CTNNA2: variants seen among roughly 807,000 people sequenced by gnomAD.
CTNNA2 encodes the protein catenin alpha-2.
In CTNNA2, 42 loss-of-function variants were observed where a neutral mutation model predicts 101.0. That is an observed-to-expected ratio of 0.42 (90% CI 0.32 to 0.54). The LOEUF (loss-of-function observed/expected upper bound fraction) is 0.54. Among genes scored for constraint, CTNNA2 ranks in the 20% least tolerant of loss-of-function variants. The pLI is 0.14. For synonymous variants in CTNNA2, 450 were observed against 456.4 expected (o/e 0.99, Z 0.18); for missense variants, 871 against 1,223.1 (o/e 0.71, Z 4.29).
At chr2:80,548,922 T>C (rs981995478) in intron 11 of CTNNA2, among the ~76,000 whole-genome samples, 1 of 152,208 alleles carries the variant, frequency 6.6e-6, no homozygotes, top group African/African-American at 2.4e-5. Context: ...GGGGAATATC[T>C]CTTTGGTCAG....
At chr2:80,206,992 G>A (rs541331508) in intron 7 of CTNNA2, among the ~76,000 whole-genome samples, 8 of 152,106 alleles carry the variant, frequency 5.3e-5, no homozygotes, top group African/African-American at 1.9e-4. Context: ...TTCTAGGGTG[G>A]GCATCTCAAT....
intron 4 of CTNNA2, among the ~76,000 whole-genome samples, chr2:79,419,588 T>C (rs945351403): frequency 1.3e-5 from 2 of 152,090 alleles, no homozygotes; most frequent in Non-Finnish European, 2.9e-5. Context: ...AAAAATAATA[T>C]GGTTTAAATA....
In CTNNA2 at chr2:79,702,319, T is replaced by G. The variant is rs182183339; in HGVS notation, c.103-42068T>G. Among the ~76,000 whole-genome samples the G allele has an allele frequency of 2.6e-5, 4 of 152,274 alleles. No individual in the cohort carries two copies. In the South Asian group the frequency reaches 6.2e-4, roughly 24 times the overall value. ...ATTCAAATTTCAGTGTTCATAAAGT[T>G]TTATTAGAACATAGCCATACCCACT... On this transcript the variant is annotated intron_variant, in intron 2 of 18. Coordinates refer to ENST00000402739, the MANE Select transcript of CTNNA2 (RefSeq NM_001282597.3).
At chr2:79,703,130 G>A (rs141247795) in intron 2 of CTNNA2, among the ~76,000 whole-genome samples, 1 of 152,298 alleles carries the variant, frequency 6.6e-6, no homozygotes, top group East Asian at 1.9e-4. Context: ...CTCCCTAGGG[G>A]ACAATTAGTC....
chr2:80,128,991 C>G (rs551800834), intron 7 of CTNNA2, among the ~76,000 whole-genome samples: 37 of 146,622 alleles, frequency 2.5e-4, no homozygotes, highest in Non-Finnish European at 5.3e-4. Context: ...GCATAAATAA[C>G]ATCATATGAT....
chr2:80,559,338 C>G (rs1450068685), intron 12 of CTNNA2, among the ~76,000 whole-genome samples: 1 of 152,208 alleles, frequency 6.6e-6, no homozygotes, highest in Non-Finnish European at 1.5e-5. Context: ...TGTTTACACA[C>G]AGGCAAACCC....
At chr2:79,349,696 C>T (rs563919038) in intron 3 of CTNNA2, among the ~76,000 whole-genome samples, 21 of 152,206 alleles carry the variant, frequency 1.4e-4, no homozygotes, top group Non-Finnish European at 2.6e-4. Context: ...TTCAGGAAAG[C>T]ATCAAATATG....
chr2:79,905,126 C>T (rs143586619), intron 6 of CTNNA2, among the ~76,000 whole-genome samples: 1 of 152,040 alleles, frequency 6.6e-6, no homozygotes, highest in East Asian at 1.9e-4. Flanking sequence ...ATTCCAATTG[C>T]CACTCCATAA....
intron 1 of CTNNA2, among the ~76,000 whole-genome samples, chr2:79,620,576 A>G (rs1041348396): frequency 6.6e-6 from 1 of 152,224 alleles, no homozygotes; most frequent in African/African-American, 2.4e-5. Context: ...GAGTAGACAG[A>G]CATACCCACT....
intron 7 of CTNNA2, among the ~76,000 whole-genome samples, chr2:79,975,831 A>G (rs1236542167): frequency 1.3e-5 from 2 of 152,210 alleles, no homozygotes; most frequent in African/African-American, 4.8e-5. Flanking sequence ...ACACAAGTTC[A>G]AATTATCTGG....
intron 7 of CTNNA2, among the ~76,000 whole-genome samples, chr2:80,064,599 C>G (rs76472910): frequency 4.6e-5 from 7 of 152,242 alleles, no homozygotes; most frequent in African/African-American, 1.4e-4. Context: ...TTGGCCTAGT[C>G]GCATGACTGG....
At chr2:79,525,058 G>T (rs1672329050) in intron 1 of CTNNA2, among the ~76,000 whole-genome samples, 1 of 151,810 alleles carries the variant, frequency 6.6e-6, no homozygotes, top group Admixed American at 6.6e-5. Flanking sequence ...TTATCCAAGT[G>T]ACTTTATTGT....
chr2:79,448,831 T>A (rs1573170971), intron 4 of CTNNA2, among the ~76,000 whole-genome samples: 2 of 152,040 alleles, frequency 1.3e-5, no homozygotes, highest in East Asian at 3.9e-4. Flanking sequence ...GCTTGAGAGA[T>A]GAAAGTCTGC....
intron 3 of CTNNA2, among the ~76,000 whole-genome samples, chr2:79,320,552 T>G (rs558473113): frequency 5.1e-4 from 78 of 152,290 alleles, no homozygotes; most frequent in South Asian, 4.1e-3. Flanking sequence ...AGAGTCTACC[T>G]GAAAGACAGA....
intron 4 of CTNNA2, among the ~76,000 whole-genome samples, chr2:79,436,643 T>C (rs1481545395): frequency 3.3e-5 from 5 of 151,890 alleles, no homozygotes; most frequent in African/African-American, 4.8e-5. Context: ...TATTCTTTTT[T>C]TTTTTTGAGG....
chr2:80,012,205 T>C (rs1284256061), intron 7 of CTNNA2, among the ~76,000 whole-genome samples: 2 of 152,134 alleles, frequency 1.3e-5, no homozygotes, highest in Non-Finnish European at 2.9e-5. Flanking sequence ...TTGTCCATGT[T>C]TGATAAACAC....
intron 7 of CTNNA2, among the ~76,000 whole-genome samples, chr2:80,017,474 ATG>A (rs1344788917): frequency 2.0e-5 from 3 of 151,162 alleles, no homozygotes; most frequent in African/African-American, 7.3e-5. Flanking sequence ...ATGTGTATAT[ATG>A]TGTGTATATA....
intron 4 of CTNNA2, among the ~76,000 whole-genome samples, chr2:79,394,582 A>G (rs1678209849): frequency 6.6e-6 from 1 of 152,178 alleles, no homozygotes; most frequent in African/African-American, 2.4e-5. Context: ...GCACACTAAG[A>G]TCAAAATACC....
Position 79,424,061 on chromosome 2 carries a change from T to C in CTNNA2, c.-135+50048T>C, listed in dbSNP as rs145416864. 4.8e-3 allele frequency among the ~76,000 whole-genome samples: 727 copies of C among 152,144 alleles called. 9 individuals are homozygous for C. Among genetic ancestry groups the C allele is most frequent in the African/African-American group, 0.016 (684 of 41,506 alleles). The stretch of plus-strand genomic sequence containing the variant: ...TGTTTCTCTAGCTTGTTAGAACTGA[T>C]GGGGAAAGATTGTACTCCAGGAGGT... On this transcript the variant is annotated intron_variant, in intron 4 of 21. Coordinates refer to the CTNNA2 transcript ENST00000466387.
Sources: allele counts gnomAD v4.1 joint callset (sites outside exome capture counted in the v4.1 genomes callset), GRCh38; gene constraint gnomAD v4.1.1; transcripts MANE v1.5; gene names NCBI Gene and HGNC (gene_info 2026-07-23, HGNC 2026-07-21).